Variants in FLT1 observed in about 807,000 individuals in gnomAD.
FLT1 encodes fms related receptor tyrosine kinase 1, also known as vascular endothelial growth factor receptor 1.
FLT1 carries 49 observed loss-of-function variants against 156.3 expected under a neutral mutation model. The observed-to-expected ratio is 0.31, with a 90% CI of 0.25 to 0.40. FLT1 has a LOEUF of 0.40. FLT1 is among the 10% of genes least tolerant of loss of function. The probability of loss-of-function intolerance (pLI) is 1.00; values close to 1 mark genes in which losing one functional copy is unlikely to be tolerated. For synonymous variants in FLT1, 594 were observed against 583.8 expected, an observed-to-expected ratio of 1.02 and a Z score of -0.25; for missense variants, 1,322 against 1,637.2, an observed-to-expected ratio of 0.81 and a Z score of 3.32.
chr13:28,317,361 G>A (rs925616333), intron 25 of FLT1, 137 bp downstream of exon 25: 28 of 721,886 alleles, frequency 3.9e-5, no homozygotes, highest in Middle Eastern at 3.6e-4. Context: ...GGGCTGAGGG[G>A]AGCATCTCTA....
At chr13:28,386,453 A>G (rs891798931) in intron 13 of FLT1, 177 of 1,045,480 alleles carry the variant, frequency 1.7e-4, no homozygotes, top group Non-Finnish European at 1.9e-4. Context: ...ATAAAAAATG[A>G]AATCTGAAGG....
chr13:28,456,223 G>A (rs1879254286), intron 3 of FLT1, among the ~76,000 whole-genome samples: 1 of 152,162 alleles, frequency 6.6e-6, no homozygotes, highest in African/African-American at 2.4e-5. Context: ...CAGCCAAGAT[G>A]TCCTTTGGTA....
intron 20 of FLT1, among the ~76,000 whole-genome samples, chr13:28,324,728 C>T (rs1871605071): frequency 6.6e-6 from 1 of 152,188 alleles, no homozygotes; most frequent in Non-Finnish European, 1.5e-5. Flanking sequence ...GAGAAAAATG[C>T]TCCACAGGCT....
Position 28,311,644 on chromosome 13 carries a change from A to G in FLT1, c.3581T>C (p.Phe1194Ser). ...CTTCGGAGCTGAAATACTTTCCTTG[A>G]AGAAGTCCTCAGAGAAGGCAGGAGT... ...YSTPAFSEDFFKESISAPKFN... is the reference protein window; with the variant it reads ...YSTPAFSEDFSKESISAPKFN... Residue 1194 changes from phenylalanine (F) to serine (S), a missense_variant, in exon 27 of 30, where the codon TTC becomes TCC. Physicochemically the swap from Phe to Ser is radical, Grantham distance 155. Transcript: ENST00000282397. The G allele has an allele frequency of 6.2e-7, 1 of 1,613,886 alleles. No homozygotes were observed. Among genetic ancestry groups the G allele is most frequent in the Non-Finnish European group, 8.5e-7 (1 of 1,179,808 alleles).
At chr13:28,379,658 C>T (rs1193858336) in intron 14 of FLT1, among the ~76,000 whole-genome samples, 2 of 152,142 alleles carry the variant, frequency 1.3e-5, no homozygotes, top group East Asian at 1.9e-4. Flanking sequence ...TTTGGGTTGC[C>T]CTGGCCAAGA....
intron 10 of FLT1, among the ~76,000 whole-genome samples, chr13:28,423,177 A>T (rs1226008860): frequency 6.6e-6 from 1 of 152,176 alleles, no homozygotes; most frequent in Non-Finnish European, 1.5e-5. Flanking sequence ...CCACATGCCC[A>T]GTCAGCCCAC....
intron 10 of FLT1, among the ~76,000 whole-genome samples, chr13:28,415,027 C>A (rs1460012955): frequency 6.6e-6 from 1 of 152,192 alleles, no homozygotes; most frequent in Non-Finnish European, 1.5e-5. Context: ...AGTGTCAGCA[C>A]CTGACAAACC....
intron 18 of FLT1, among the ~76,000 whole-genome samples, chr13:28,333,155 G>A (rs553834965): frequency 1.7e-4 from 26 of 152,298 alleles, no homozygotes; most frequent in Admixed American, 5.9e-4. Context: ...GTCTCCCTAA[G>A]CAAACAACCC....
intron 1 of FLT1, among the ~76,000 whole-genome samples, chr13:28,471,587 A>G (rs1880185356): frequency 6.6e-6 from 1 of 152,208 alleles, no homozygotes; most frequent in Non-Finnish European, 1.5e-5. Flanking sequence ...ATGCATAGTC[A>G]TAGCATGGGG....
chr13:28,437,073 T>C (rs1001964942), intron 4 of FLT1, among the ~76,000 whole-genome samples: 8 of 152,192 alleles, frequency 5.3e-5, no homozygotes, highest in African/African-American at 1.9e-4. Context: ...TTGGCTCAAA[T>C]GCCCAGTATG....
intron 14 of FLT1, among the ~76,000 whole-genome samples, chr13:28,380,421 C>G (rs1483265068): frequency 6.6e-6 from 1 of 152,090 alleles, no homozygotes; most frequent in Non-Finnish European, 1.5e-5. Flanking sequence ...TTTACAGAAA[C>G]TATATACATG....
At position 28,389,818 on chromosome 13, in the gene FLT1, C is replaced by T. The variant is rs771970373; in HGVS notation, c.1947G>A (p.Gln649=). The T allele has an allele frequency of 4.3e-6, 7 of 1,614,178 alleles. No individual in the cohort carries two copies. Among genetic ancestry groups the T allele is most frequent in the Non-Finnish European group, 3.4e-6 (4 of 1,180,016 alleles). ...CACCTCTGATTGTAATTTCTTTCTT[C>T]TGGAGGATTTCTTCCCCTGTGTATA... The part of the protein sequence containing the change: ...RNVYTGEEIL[Q]KKEITIRDQE... Residue 649 remains glutamine, a synonymous_variant, in exon 13 of 30, where the codon CAG becomes CAA. Transcript: ENST00000282397.
At chr13:28,374,566 C>G (rs1873761671) in intron 14 of FLT1, among the ~76,000 whole-genome samples, 3 of 151,516 alleles carry the variant, frequency 2.0e-5, no homozygotes, top group Admixed American at 6.6e-5. Context: ...GGCTGGAGTA[C>G]AGTGGCGCGA....
At chr13:28,435,403 T>C (rs1040322858) in intron 4 of FLT1, among the ~76,000 whole-genome samples, 5 of 152,188 alleles carry the variant, frequency 3.3e-5, no homozygotes, top group Non-Finnish European at 7.3e-5. Flanking sequence ...CTCCATAAAG[T>C]GGCCCAGCCA....
chr13:28,464,220 T>A (rs559256133), intron 3 of FLT1, among the ~76,000 whole-genome samples: 1 of 152,370 alleles, frequency 6.6e-6, no homozygotes, highest in East Asian at 1.9e-4. Flanking sequence ...ACAACGCATT[T>A]CACAATCCTT....
At chr13:28,358,062 C>T (rs1161450169) in intron 14 of FLT1, among the ~76,000 whole-genome samples, 2 of 152,068 alleles carry the variant, frequency 1.3e-5, no homozygotes, top group East Asian at 3.9e-4. Flanking sequence ...ATCATTGACT[C>T]AACGCCCTCT....
At chr13:28,487,640 A>C (rs679791) in intron 1 of FLT1, among the ~76,000 whole-genome samples, 96,284 of 151,966 alleles carry the variant, frequency 0.63, 30,761 homozygotes, top group Admixed American at 0.74. Flanking sequence ...CCATTTCAAG[A>C]CAGTAAGAGG....
chr13:28,431,002 G>A, intron 7 of FLT1, 134 bp downstream of exon 7: 1 of 788,618 alleles, frequency 1.3e-6, no homozygotes, highest in Admixed American at 1.9e-5. Context: ...GGGGAGGAGG[G>A]AACCATGGCC....
At chr13:28,417,571 G>C (rs1242047125) in intron 10 of FLT1, among the ~76,000 whole-genome samples, 1 of 152,090 alleles carries the variant, frequency 6.6e-6, no homozygotes, top group Non-Finnish European at 1.5e-5. Context: ...TTGCCATTAA[G>C]TAGCTGTGAG....
Sources: gnomAD v4.1 joint callset for allele counts (sites outside exome capture counted in the v4.1 genomes callset) on GRCh38, gnomAD v4.1.1 for gene constraint, MANE v1.5 for transcripts, NCBI Gene and HGNC (gene_info 2026-07-23, HGNC 2026-07-21) for gene names.